The following RCAN2 variants were observed in gnomAD, a reference collection of about 807,000 sequenced individuals.
The protein encoded by RCAN2 is regulator of calcineurin 2.
RCAN2 carries 9 observed loss-of-function variants against 23.6 expected under a neutral mutation model. The observed-to-expected ratio is 0.38, with a 90% confidence interval of 0.23 to 0.67. The LOEUF (loss-of-function observed/expected upper bound fraction) is 0.67. Among genes scored for constraint, RCAN2 ranks in the 30% least tolerant of loss-of-function variants. The pLI is 0.51. For missense variants in RCAN2, 273 were observed against 302.3 expected, an observed-to-expected ratio of 0.90 and a Z score of 0.72; for synonymous variants, 109 against 115.7, an observed-to-expected ratio of 0.94 and a Z score of 0.37.
At chr6:46,491,000 T>C (rs9381457) in intron 1 of RCAN2, among the ~76,000 whole-genome samples, 173 bp downstream of exon 1, 83,747 of 139,758 alleles carry the variant, frequency 0.6, 24,366 homozygotes, top group South Asian at 0.68. Context: ...CCCCCGCCAC[T>C]GCCCCCACCC....
intron 2 of RCAN2, among the ~76,000 whole-genome samples, chr6:46,253,666 T>G (rs1267827021): frequency 6.6e-6 from 1 of 152,208 alleles, no homozygotes; most frequent in Non-Finnish European, 1.5e-5. Flanking sequence ...GCTTTTTTTC[T>G]TTTTTCTTTT....
chr6:46,243,087 G>A (rs910012481), intron 4 of RCAN2, among the ~76,000 whole-genome samples: 9 of 152,182 alleles, frequency 5.9e-5, no homozygotes, highest in Non-Finnish European at 1.2e-4. Context: ...CTCTTGCCTT[G>A]GCACCTGGTT....
chr6:46,416,045 G>A (rs1766706590), intron 2 of RCAN2, among the ~76,000 whole-genome samples: 1 of 152,100 alleles, frequency 6.6e-6, no homozygotes, highest in Admixed American at 6.6e-5. Context: ...CAAGAAAAAT[G>A]TCTGCATATG....
chr6:46,485,992 A>G (rs1187813507), intron 1 of RCAN2, among the ~76,000 whole-genome samples: 8 of 152,222 alleles, frequency 5.3e-5, no homozygotes, highest in African/African-American at 1.2e-4. Flanking sequence ...TCTCACAGCC[A>G]TGGTACTATA....
intron 2 of RCAN2, among the ~76,000 whole-genome samples, chr6:46,278,623 A>G (rs1194417756): frequency 3.3e-5 from 5 of 152,222 alleles, no homozygotes; most frequent in Non-Finnish European, 7.3e-5. Flanking sequence ...TTTATAACAC[A>G]AGAAAATCAC....
At chr6:46,346,990 C>T (rs1764504155) in intron 2 of RCAN2, among the ~76,000 whole-genome samples, 1 of 152,116 alleles carries the variant, frequency 6.6e-6, no homozygotes, top group South Asian at 2.1e-4. Context: ...ATTCTCCTGC[C>T]TCAGCCTCCC....
chr6:46,408,503 C>G (rs749501643), intron 2 of RCAN2, among the ~76,000 whole-genome samples: 2 of 152,260 alleles, frequency 1.3e-5, no homozygotes, highest in Middle Eastern at 6.8e-3. Flanking sequence ...TTGCAATATT[C>G]CCAGCATTGT....
chr6:46,472,381 C>T (rs1477150325), intron 1 of RCAN2, among the ~76,000 whole-genome samples: 1 of 152,158 alleles, frequency 6.6e-6, no homozygotes, highest in African/African-American at 2.4e-5. Flanking sequence ...TAGCAATGGT[C>T]TGTAACATAT....
intron 3 of RCAN2, 32 bp downstream of exon 3, chr6:46,248,691 A>G: frequency 6.6e-7 from 1 of 1,522,222 alleles, no homozygotes; most frequent in Non-Finnish European, 8.9e-7. Flanking sequence ...ATGTAGGGCA[A>G]AAAGAATAAC....
intron 2 of RCAN2, among the ~76,000 whole-genome samples, chr6:46,431,363 C>A (rs1195359493): frequency 6.6e-6 from 1 of 152,056 alleles, no homozygotes; most frequent in Admixed American, 6.6e-5. Flanking sequence ...GAGCCACATG[C>A]CTGGCCCCAA....
chr6:46,470,415 G>A (rs557288983), intron 1 of RCAN2, among the ~76,000 whole-genome samples: 12 of 152,300 alleles, frequency 7.9e-5, no homozygotes, highest in South Asian at 6.2e-4. Flanking sequence ...AGAGATCAGC[G>A]TTCACCACTG....
At chr6:46,300,243 C>G (rs1239173699) in intron 2 of RCAN2, among the ~76,000 whole-genome samples, 1 of 151,774 alleles carries the variant, frequency 6.6e-6, no homozygotes, top group African/African-American at 2.4e-5. Flanking sequence ...GTGATCTAAA[C>G]AAGTAAATTG....
intron 2 of RCAN2, among the ~76,000 whole-genome samples, chr6:46,329,552 C>T (rs1489590830): frequency 6.6e-6 from 1 of 152,074 alleles, no homozygotes; most frequent in Non-Finnish European, 1.5e-5. Context: ...GATAAATACA[C>T]AAATGAATCT....
chr6:46,430,900 T>G (rs760854308), intron 2 of RCAN2, among the ~76,000 whole-genome samples: 4 of 152,194 alleles, frequency 2.6e-5, no homozygotes, highest in Non-Finnish European at 5.9e-5. Flanking sequence ...TGATTTTCCC[T>G]GAAACAGCTT....
At chr6:46,449,970 A>G (rs756613193) in intron 2 of RCAN2, among the ~76,000 whole-genome samples, 3 of 152,020 alleles carry the variant, frequency 2.0e-5, no homozygotes, top group Admixed American at 6.6e-5. Flanking sequence ...AAATGGGATT[A>G]CATTAAACTA....
intron 2 of RCAN2, among the ~76,000 whole-genome samples, chr6:46,315,896 GGAAGAGTTTGGAAGAGACAAGA>G (rs1258443981): frequency 9.2e-5 from 14 of 151,916 alleles, no homozygotes; most frequent in African/African-American, 3.1e-4. Context: ...AGAGAGGTTT[GGAAGAGTTTGGAAGAGACAAGA>G]AAAGAGGTTT....
At chr6:46,480,022 G>A (rs1768813143) in intron 1 of RCAN2, among the ~76,000 whole-genome samples, 1 of 152,096 alleles carries the variant, frequency 6.6e-6, no homozygotes, top group Admixed American at 6.6e-5. Context: ...GGACAAACTG[G>A]ATTGCAAATA....
intron 2 of RCAN2, among the ~76,000 whole-genome samples, chr6:46,440,623 G>A (rs1002239584): frequency 6.6e-6 from 1 of 151,794 alleles, no homozygotes; most frequent in Non-Finnish European, 1.5e-5. Flanking sequence ...TACATAATTA[G>A]GTTAGTATAT....
chr6:46,441,001 A>G (rs1767525543), intron 2 of RCAN2, among the ~76,000 whole-genome samples: 1 of 152,206 alleles, frequency 6.6e-6, no homozygotes, highest in Non-Finnish European at 1.5e-5. Flanking sequence ...TCCAAATTCC[A>G]TAGACATGTG....
Sources: gnomAD v4.1 joint callset for allele counts (sites outside exome capture counted in the v4.1 genomes callset) on GRCh38, gnomAD v4.1.1 for gene constraint, MANE v1.5 for transcripts, NCBI Gene and HGNC (gene_info 2026-07-23, HGNC 2026-07-21) for gene names.